The following RNF4 variants were observed in gnomAD, a reference collection of about 807,000 sequenced individuals.
RNF4 encodes ring finger protein 4.
A neutral mutation model predicts 24.3 loss-of-function variants in RNF4; 7 were observed. The ratio of observed to expected loss-of-function variants is 0.29; its 90% CI spans 0.16 to 0.54. The LOEUF is 0.54. RNF4 is among the 20% of genes least tolerant of loss of function. RNF4 has a pLI of 0.95. For synonymous variants in RNF4, 83 were observed against 84.3 expected (o/e 0.98, Z 0.09); for missense variants, 209 against 248.5 (o/e 0.84, Z 1.07).
chr4:2,490,203 G>T, intron 1 of RNF4, 134 bp from the exon 2 acceptor site: 1 of 376,482 alleles, frequency 2.7e-6, no homozygotes, highest in Non-Finnish European at 4.9e-6. Context: ...GATGAATATA[G>T]GATTAAGGAT....
chr4:2,497,827 G>C (rs1350567088), intron 3 of RNF4, among the ~76,000 whole-genome samples: 1 of 151,898 alleles, frequency 6.6e-6, no homozygotes, highest in Non-Finnish European at 1.5e-5. Context: ...ATAGAGACAG[G>C]GTTTCACCAT....
chr4:2,490,119 G>A (rs894538547), intron 1 of RNF4, among the ~76,000 whole-genome samples: 9 of 152,112 alleles, frequency 5.9e-5, no homozygotes, highest in African/African-American at 2.2e-4. Flanking sequence ...AAGAGTAGGA[G>A]GTGGCATAAT....
chr4:2,512,154 C>T lies in RNF4; in HGVS notation c.214+189C>T. The T allele has an allele frequency of 1.5e-6, 1 of 651,138 alleles. No homozygotes were observed. Among genetic ancestry groups the T allele is most frequent in the Non-Finnish European group, 2.7e-6 (1 of 373,326 alleles). 40.3% of individuals were successfully genotyped at this position (651,138 alleles called of 1,614,324 possible). On this transcript the variant is annotated intron_variant, in intron 5 of 7. Transcript: ENST00000314289. This position sits in a 1 kb window ranked among gnomAD's most constrained non-coding sequence, Gnocchi z 4.1. Reference sequence around the variant, plus strand: ...CCTTGTGCCTGCTGAAGAAACTTCACCACTATCATTGAGCACTGAGCTATA... The same window carrying T: ...CCTTGTGCCTGCTGAAGAAACTTCATCACTATCATTGAGCACTGAGCTATA...
At chr4:2,504,793 G>A (rs1232273781) in intron 4 of RNF4, among the ~76,000 whole-genome samples, 1 of 138,194 alleles carries the variant, frequency 7.2e-6, no homozygotes, top group Non-Finnish European at 1.5e-5. Context: ...GCAGTGGCAC[G>A]ATCTCAGTTC....
intron 4 of RNF4, among the ~76,000 whole-genome samples, chr4:2,508,851 A>G (rs1335037609): frequency 8.6e-6 from 1 of 115,620 alleles, no homozygotes; most frequent in Non-Finnish European, 1.7e-5. Flanking sequence ...ACCTCGGGTG[A>G]TCTGCCCGCC....
rs951345441 is a variant in RNF4, at chr4:2,515,417, T to G, written c.*1598T>G. 4 of 152,572 alleles carry G rather than the reference T, an allele frequency of 2.6e-5. No individual in the cohort carries two copies. Among genetic ancestry groups the G allele is most frequent in the Admixed American group, 6.5e-5 (1 of 15,276 alleles). The allele number at this position is 152,572 out of a possible 1,614,324, so 9.5% of individuals were successfully genotyped here. On this transcript the variant is annotated 3_prime_UTR_variant, in exon 8 of 8. Transcript: ENST00000314289. ...AGTTGAAGAGGGCAGAATCCGCAGC[T>G]CTCATCATTGTGATGTGTAGCATGT...
chr4:2,512,629 A>C lies in RNF4; in HGVS notation c.374+32A>C, dbSNP rs1736300934. 2 of 1,610,194 alleles carry C rather than the reference A, an allele frequency of 1.2e-6. No homozygotes were observed. Among genetic ancestry groups the C allele is most frequent in the East Asian group, 4.5e-5 (2 of 44,844 alleles). On this transcript the variant is annotated intron_variant, in intron 6 of 7. Coordinates refer to ENST00000314289, the MANE Select transcript of RNF4 (RefSeq NM_002938.5). This position sits in a 1 kb window ranked among gnomAD's most constrained non-coding sequence, Gnocchi z 4.1. ...ACGTGCCCCCAGCTCTGCTGCCGCC[A>C]TGCTAGGATGTGGGGCCAGGGCATG...
At chr4:2,483,244 C>T (rs530697647) in intron 1 of RNF4, among the ~76,000 whole-genome samples, 1 of 152,286 alleles carries the variant, frequency 6.6e-6, no homozygotes, top group East Asian at 1.9e-4. Flanking sequence ...ATAGAGCTGC[C>T]TTCTGGGTGC....
At chr4:2,478,235 A>C (rs1192301624) in intron 1 of RNF4, among the ~76,000 whole-genome samples, 1 of 152,232 alleles carries the variant, frequency 6.6e-6, no homozygotes, top group Non-Finnish European at 1.5e-5. Flanking sequence ...AAAGGCATTC[A>C]GTTTTATAAG....
intron 1 of RNF4, among the ~76,000 whole-genome samples, chr4:2,482,999 C>T (rs1291462714): frequency 6.6e-6 from 1 of 152,186 alleles, no homozygotes; most frequent in Non-Finnish European, 1.5e-5. Flanking sequence ...CCAGTTCCTC[C>T]TGGGGTGAAG....
chr4:2,494,564 T>C (rs1735678767), intron 2 of RNF4: 1 of 151,564 alleles, frequency 6.6e-6, no homozygotes, highest in African/African-American at 2.4e-5. Flanking sequence ...TATTTTTTAG[T>C]AGAGATGGGG....
intron 2 of RNF4, among the ~76,000 whole-genome samples, chr4:2,491,002 T>A (rs1347198286): frequency 1.3e-5 from 2 of 152,156 alleles, no homozygotes; most frequent in Non-Finnish European, 2.9e-5. Context: ...GCAGGAAGAT[T>A]CCTTGAGCCC....
rs189329072 is a variant in RNF4 at position 2,490,563 on chromosome 4, T to C, written c.9+61T>C. On this transcript the variant is annotated intron_variant, in intron 2 of 7. Coordinates refer to ENST00000314289, the MANE Select transcript of RNF4 (RefSeq NM_002938.5). ...AGGGCTAATTAACTACCTTATTCCT[T>C]GTAGCACATTAGTGAAAGTGAGTTC... 3 of 1,540,040 alleles carry C rather than the reference T, an allele frequency of 1.9e-6. No homozygotes were observed. In the African/African-American group the frequency reaches 4.1e-5, roughly 21 times the overall value.
At chr4:2,489,165 C>T (rs1350693156) in intron 1 of RNF4, among the ~76,000 whole-genome samples, 1 of 152,170 alleles carries the variant, frequency 6.6e-6, no homozygotes, top group Non-Finnish European at 1.5e-5. Context: ...GCCCTAATTG[C>T]AGTGCCAGCC....
In RNF4 at chr4:2,515,629, C is replaced by T. The variant is rs1736393427; in HGVS notation, c.*1810C>T. 1 of 152,542 alleles carries T rather than the reference C, an allele frequency of 6.6e-6. No individual in the cohort carries two copies. Among genetic ancestry groups the T allele is most frequent in the Admixed American group, 6.5e-5 (1 of 15,278 alleles). 9.4% of individuals were successfully genotyped at this position (152,542 alleles called of 1,614,324 possible). Reference sequence around the variant, plus strand: ...GTGGTTAATTATAAAAGTTGTGTTACTTCGTCCTAAATTAAATTGATAGAA... The same window carrying T: ...GTGGTTAATTATAAAAGTTGTGTTATTTCGTCCTAAATTAAATTGATAGAA... On this transcript the variant is annotated 3_prime_UTR_variant, in exon 8 of 8. Coordinates refer to ENST00000314289, the MANE Select transcript of RNF4 (RefSeq NM_002938.5).
chr4:2,481,186 G>A (rs1735233110), intron 1 of RNF4: 1 of 152,178 alleles, frequency 6.6e-6, no homozygotes, highest in South Asian at 2.1e-4. Flanking sequence ...CGCTTCCACA[G>A]AGCAAGCTTC....
chr4:2,494,365 A>G (rs1260735479), intron 2 of RNF4, among the ~76,000 whole-genome samples: 1 of 142,822 alleles, frequency 7.0e-6, no homozygotes, highest in Non-Finnish European at 1.5e-5. Context: ...TTGGCTAGCA[A>G]CTTAGAACTT....
chr4:2,487,162 A>C (rs1046597789), intron 1 of RNF4, among the ~76,000 whole-genome samples: 1 of 152,226 alleles, frequency 6.6e-6, no homozygotes, highest in East Asian at 1.9e-4. Context: ...GCTGGAGTGC[A>C]ATGGTGCAGT....
rs2108779942 is a variant in RNF4 at position 2,512,197 on chromosome 4, A to G, written c.214+232A>G. On this transcript the variant is annotated intron_variant, in intron 5 of 7. Coordinates refer to ENST00000314289, the MANE Select transcript of RNF4 (RefSeq NM_002938.5). The surrounding 1 kb of genome is among the most constrained non-coding windows in gnomAD (Gnocchi z 4.1). Reference sequence around the variant, plus strand: ...GAGCTATAGTCCTTTCTTGTGGCCTACCAGATTTTGGAGAAGGCTGGTAGC... The same window carrying G: ...GAGCTATAGTCCTTTCTTGTGGCCTGCCAGATTTTGGAGAAGGCTGGTAGC... 4 of 646,358 alleles carry G rather than the reference A, an allele frequency of 6.2e-6. No homozygotes were observed. The highest frequency in any genetic ancestry group is 1.9e-5 in the South Asian group (1 of 51,358). 40.0% of individuals were successfully genotyped at this position (646,358 alleles called of 1,614,324 possible).
Sources: allele counts gnomAD v4.1 joint callset (sites outside exome capture counted in the v4.1 genomes callset), GRCh38; gene constraint gnomAD v4.1.1; non-coding constraint Gnocchi (gnomAD v3.1); transcripts MANE v1.5; gene names NCBI Gene and HGNC (gene_info 2026-07-23, HGNC 2026-07-21).